CHSY1: variants seen among roughly 807,000 people sequenced by gnomAD.
CHSY1 encodes N-acetylgalactosaminyl-proteoglycan 3-beta-glucuronosyltransferase 1.
A neutral mutation model predicts 59.8 loss-of-function variants in CHSY1; 13 were observed. That is an observed-to-expected ratio of 0.22 (90% CI 0.14 to 0.35). The LOEUF (loss-of-function observed/expected upper bound fraction) is 0.35, where lower values mean the gene tolerates loss of function less well. Among genes scored for constraint, CHSY1 ranks in the 10% least tolerant of loss-of-function variants. The pLI is 1.00. For missense variants in CHSY1, 947 were observed against 1,030.6 expected (o/e 0.92, Z 1.11); for synonymous variants, 459 against 401.2 (o/e 1.14, Z -1.72).
At chr15:101,243,462 C>T (rs1002532946) in intron 1 of CHSY1, among the ~76,000 whole-genome samples, 10 of 152,168 alleles carry the variant, frequency 6.6e-5, no homozygotes, top group African/African-American at 1.9e-4. Flanking sequence ...TGCAAATCAC[C>T]GTCTCCCTGA....
rs1398111732 is a variant in CHSY1, at chr15:101,232,332, C to T, written c.816+2750G>A. Reference sequence around the variant, plus strand: ...GGAAGTTTAATAAAAGTTCCTCATCCACACGAAGGATTAATCTTACCTGAG... The same window carrying T: ...GGAAGTTTAATAAAAGTTCCTCATCTACACGAAGGATTAATCTTACCTGAG... On this transcript the variant is annotated intron_variant, in intron 2 of 2. Coordinates refer to ENST00000254190, the MANE Select transcript of CHSY1 (RefSeq NM_014918.5). Among the ~76,000 whole-genome samples the T allele has an allele frequency of 3.3e-5, 5 of 152,284 alleles. No homozygotes were observed. In the East Asian group the frequency reaches 9.6e-4, roughly 29 times the overall value.
intron 1 of CHSY1, among the ~76,000 whole-genome samples, chr15:101,249,005 G>A (rs1228250954): frequency 8.5e-5 from 12 of 140,464 alleles, no homozygotes; most frequent in African/African-American, 2.7e-4. Flanking sequence ...GGGTTTCACC[G>A]TGTTAGCCAG....
Position 101,176,472 on chromosome 15 carries a change from G to A in CHSY1, c.*916C>T. Reference sequence around the variant, plus strand: ...ACCCTTTAAAGAGAAGGGTCAAGAAGAGAAAATGCCAAATCCTTCTTGAAA... The same window carrying A: ...ACCCTTTAAAGAGAAGGGTCAAGAAAAGAAAATGCCAAATCCTTCTTGAAA... On this transcript the variant is annotated 3_prime_UTR_variant, in exon 3 of 3. Coordinates refer to ENST00000254190, the MANE Select transcript of CHSY1 (RefSeq NM_014918.5). 3 of 398,408 alleles carry A rather than the reference G, an allele frequency of 7.5e-6. No individual in the cohort carries two copies. The highest frequency in any genetic ancestry group is 1.3e-5 in the Non-Finnish European group (3 of 225,992). 24.7% of individuals were successfully genotyped at this position (398,408 alleles called of 1,614,324 possible). A position where few individuals can be genotyped will look rare whatever the true frequency, so the allele number is the denominator to read the frequency against.
intron 2 of CHSY1, among the ~76,000 whole-genome samples, chr15:101,194,919 C>T (rs973400069): frequency 6.6e-6 from 1 of 152,100 alleles, no homozygotes; most frequent in South Asian, 2.1e-4. Flanking sequence ...GCACTTCCTC[C>T]CCAGGTTTTG....
At chr15:101,179,127 C>A in intron 2 of CHSY1, 147 bp from the exon 3 acceptor site, 1 of 771,176 alleles carries the variant, frequency 1.3e-6, no homozygotes, top group Non-Finnish European at 2.2e-6. Context: ...AACAGCAGTC[C>A]AATGTGGTTA....
rs975513957 is a variant in CHSY1, at chr15:101,233,116, C to T, written c.816+1966G>A. On this transcript the variant is annotated intron_variant, in intron 2 of 2. Coordinates refer to ENST00000254190, the MANE Select transcript of CHSY1 (RefSeq NM_014918.5). Reference sequence around the variant, plus strand: ...GGGGCTCCAAGTGTCCAGACAGGATCATTCCATGCACCCCTTCGCAGGCCA... The same window carrying T: ...GGGGCTCCAAGTGTCCAGACAGGATTATTCCATGCACCCCTTCGCAGGCCA... Among the ~76,000 whole-genome samples the T allele has an allele frequency of 1.2e-4, 18 of 152,242 alleles. 1 individual carries two copies. The highest frequency in any genetic ancestry group is 7.9e-4 in the Admixed American group (12 of 15,282).
At chr15:101,244,265 C>G (rs927283738) in intron 1 of CHSY1, among the ~76,000 whole-genome samples, 1 of 152,146 alleles carries the variant, frequency 6.6e-6, no homozygotes, top group Non-Finnish European at 1.5e-5. Flanking sequence ...AGCTGAGGCC[C>G]CTGCACTGAA....
chr15:101,227,368 C>T (rs2141270560), intron 2 of CHSY1, among the ~76,000 whole-genome samples: 1 of 152,288 alleles, frequency 6.6e-6, no homozygotes, highest in South Asian at 2.1e-4. Context: ...CTATTGCAAA[C>T]ACCTTCTTGG....
intron 2 of CHSY1, chr15:101,189,362 A>G (rs2141245846): frequency 1.3e-6 from 1 of 799,754 alleles, no homozygotes; most frequent in Non-Finnish European, 1.5e-6. Context: ...AACGTGATAT[A>G]AGCTCTAGTC....
At chr15:101,243,920 C>T (rs1042291275) in intron 1 of CHSY1, among the ~76,000 whole-genome samples, 8 of 152,308 alleles carry the variant, frequency 5.3e-5, no homozygotes, top group Non-Finnish European at 7.3e-5. Context: ...ACAGTCTTTG[C>T]GCCTATGGTC....
intron 2 of CHSY1, among the ~76,000 whole-genome samples, chr15:101,182,812 C>T (rs11630342): frequency 0.27 from 40,686 of 152,120 alleles, 6,014 homozygotes; most frequent in African/African-American, 0.39. Context: ...TACACAGCTC[C>T]TGGTCAGCTT....
chr15:101,194,545 C>T lies in CHSY1; in HGVS notation c.817-15565G>A, dbSNP rs148204358. On this transcript the variant is annotated intron_variant, in intron 2 of 2. Coordinates refer to ENST00000254190, the MANE Select transcript of CHSY1 (RefSeq NM_014918.5). ...TTGCCCTTATGTTCCTTGTTCTCTA[C>T]TTGGTATTTTGCACCATTAAATAAA... Among the ~76,000 whole-genome samples, 519 of 152,338 alleles carry T rather than the reference C, an allele frequency of 3.4e-3. 5 individuals are homozygous for T. Among genetic ancestry groups the T allele is most frequent in the African/African-American group, 0.011 (476 of 41,576 alleles).
At chr15:101,249,704 G>A (rs541023014) in intron 1 of CHSY1, among the ~76,000 whole-genome samples, 3 of 152,080 alleles carry the variant, frequency 2.0e-5, no homozygotes, top group East Asian at 1.9e-4. Context: ...GAGTAGAGAC[G>A]GGGTTTCACC....
chr15:101,233,780 A>T (rs980275836), intron 2 of CHSY1, among the ~76,000 whole-genome samples: 4 of 152,202 alleles, frequency 2.6e-5, no homozygotes, highest in Non-Finnish European at 5.9e-5. Context: ...CACTTCCCTA[A>T]AGTTCAAACA....
At chr15:101,183,304 G>T (rs1015402021) in intron 2 of CHSY1, among the ~76,000 whole-genome samples, 4 of 152,154 alleles carry the variant, frequency 2.6e-5, no homozygotes, top group African/African-American at 9.7e-5. Context: ...CAGTATAAAA[G>T]TATCCAGTAT....
chr15:101,215,075 G>A (rs1193159979), intron 2 of CHSY1, among the ~76,000 whole-genome samples: 1 of 152,158 alleles, frequency 6.6e-6, no homozygotes, highest in Non-Finnish European at 1.5e-5. Context: ...CACCATGATT[G>A]TAAGTTTCCT....
At chr15:101,222,368 A>G (rs1173838061) in intron 2 of CHSY1, among the ~76,000 whole-genome samples, 4 of 152,240 alleles carry the variant, frequency 2.6e-5, no homozygotes, top group Admixed American at 2.0e-4. Context: ...GGATTTAAAG[A>G]AGAATTGTAA....
chr15:101,245,844 G>T (rs936246713), intron 1 of CHSY1, among the ~76,000 whole-genome samples: 3 of 152,198 alleles, frequency 2.0e-5, no homozygotes, highest in African/African-American at 7.2e-5. Context: ...TTCACTTACA[G>T]GTTGATTATT....
chr15:101,187,344 T>C (rs1009956025), intron 2 of CHSY1, among the ~76,000 whole-genome samples: 1 of 152,092 alleles, frequency 6.6e-6, no homozygotes, highest in African/African-American at 2.4e-5. Context: ...CCAGGCATGG[T>C]GGCGTGTGCC....
Sources: gnomAD v4.1 joint callset for allele counts (sites outside exome capture counted in the v4.1 genomes callset) on GRCh38, gnomAD v4.1.1 for gene constraint, MANE v1.5 for transcripts, NCBI Gene and HGNC (gene_info 2026-07-23, HGNC 2026-07-21) for gene names.